TMEM178A: variants seen among roughly 807,000 people sequenced by gnomAD.
The protein encoded by TMEM178A is transmembrane protein 178.
TMEM178A carries 12 observed loss-of-function variants against 29.1 expected under a neutral mutation model. The ratio of observed to expected loss-of-function variants is 0.41; its 90% confidence interval spans 0.26 to 0.67. The LOEUF (loss-of-function observed/expected upper bound fraction) is 0.67. Among genes scored for constraint, TMEM178A ranks in the 30% least tolerant of loss-of-function variants. The pLI is 0.29. For synonymous variants in TMEM178A, 210 were observed against 187.2 expected (o/e 1.12, Z -0.99); for missense variants, 366 against 419.1 (o/e 0.87, Z 1.11).
chr2:39,708,111 A>G (rs1388840410), intron 3 of TMEM178A, among the ~76,000 whole-genome samples: 1 of 152,232 alleles, frequency 6.6e-6, no homozygotes, highest in Non-Finnish European at 1.5e-5. Context: ...TGAAGAAAAG[A>G]AACAGGGTGA....
Position 39,667,350 on chromosome 2 carries a change from T to C in TMEM178A, c.400+976T>C, listed in dbSNP as rs541402296. On this transcript the variant is annotated intron_variant, in intron 1 of 3. Transcript: ENST00000281961. ...AGATAGTTTGATTTTTTTTTTTTTT[T>C]TGGTAATCCCATTCACGTAAAAATA... 1.5e-3 allele frequency among the ~76,000 whole-genome samples: 211 copies of C among 137,066 alleles called. 1 individual carries two copies. Among genetic ancestry groups the C allele is most frequent in the Non-Finnish European group, 2.3e-3 (147 of 63,698 alleles). The allele number at this position is 137,066 out of a possible 152,430, so 89.9% of individuals were successfully genotyped here. A position where few individuals can be genotyped will look rare whatever the true frequency, so the allele number is the denominator to read the frequency against.
At chr2:39,684,597 A>G (rs1670996004) in intron 1 of TMEM178A, among the ~76,000 whole-genome samples, 1 of 152,138 alleles carries the variant, frequency 6.6e-6, no homozygotes, top group African/African-American at 2.4e-5. Flanking sequence ...TTCTTACCCA[A>G]CTGACAGAAC....
intron 3 of TMEM178A, among the ~76,000 whole-genome samples, chr2:39,708,629 G>C (rs1220501478): frequency 1.3e-5 from 2 of 151,474 alleles, no homozygotes; most frequent in South Asian, 4.2e-4. Context: ...GTGTTAGCCA[G>C]GATGGTCTCG....
At chr2:39,679,982 C>T (rs2148065056) in intron 1 of TMEM178A, among the ~76,000 whole-genome samples, 1 of 152,156 alleles carries the variant, frequency 6.6e-6, no homozygotes, top group East Asian at 1.9e-4. Context: ...GCTCTTCAAG[C>T]AGAGGTGGCT....
At chr2:39,693,649 G>A (rs13427938) in intron 1 of TMEM178A, among the ~76,000 whole-genome samples, 10,157 of 152,166 alleles carry the variant, frequency 0.067, 1,039 homozygotes, top group African/African-American at 0.22. Flanking sequence ...AGAAGAGGAG[G>A]GCAGGGAGGG....
chr2:39,698,588 C>G (rs1269997807), intron 1 of TMEM178A, among the ~76,000 whole-genome samples: 1 of 152,028 alleles, frequency 6.6e-6, no homozygotes, highest in South Asian at 2.1e-4. Context: ...TTTTGCATAT[C>G]TATACATAAG....
chr2:39,720,386 G>C (rs961855985), downstream of TMEM178A, among the ~76,000 whole-genome samples: 1 of 152,142 alleles, frequency 6.6e-6, no homozygotes, highest in African/African-American at 2.4e-5. Context: ...ATGGAGGCTG[G>C]TGCAGGTGGG....
intron 1 of TMEM178A, among the ~76,000 whole-genome samples, chr2:39,699,755 G>A (rs866380345): frequency 6.6e-5 from 10 of 152,052 alleles, no homozygotes; most frequent in African/African-American, 1.9e-4. Flanking sequence ...TGTGCCAGGC[G>A]AGATCTTTTT....
chr2:39,687,842 C>T (rs1356142676), intron 1 of TMEM178A, among the ~76,000 whole-genome samples: 1 of 152,246 alleles, frequency 6.6e-6, no homozygotes, highest in Non-Finnish European at 1.5e-5. Flanking sequence ...CAGATGTAGT[C>T]ATAGTGATTC....
chr2:39,733,629 A>G, the TMEM178A span, among the ~76,000 whole-genome samples: 1 of 152,186 alleles, frequency 6.6e-6, no homozygotes, highest in Non-Finnish European at 1.5e-5. Context: ...TTAGGAATAT[A>G]ATGTCTTAAC....
Position 39,717,209 on chromosome 2 carries a change from C to T in TMEM178A, c.852C>T (p.Thr284=). The T allele has an allele frequency of 6.2e-7, 1 of 1,613,556 alleles. No homozygotes were observed. The highest frequency in any genetic ancestry group is 8.5e-7 in the Non-Finnish European group (1 of 1,179,946). The part of the protein sequence containing the change: ...LCIAYPFISR[T]KIAQLKSGRD... ...TCGCTTATCCGTTTATTAGCCGGACCAAGATTGCACAGCTAAAGTCTGGCA... is the reference window on the plus strand; with the variant it reads ...TCGCTTATCCGTTTATTAGCCGGACTAAGATTGCACAGCTAAAGTCTGGCA... Residue 284 remains threonine, a synonymous_variant, in exon 4 of 4, where the codon ACC becomes ACT. Coordinates refer to ENST00000281961, the MANE Select transcript of TMEM178A (RefSeq NM_152390.3).
rs144487153 is a variant in TMEM178A at position 39,695,078 on chromosome 2, C to T, written c.401-9003C>T. On this transcript the variant is annotated intron_variant, in intron 1 of 3. Transcript: ENST00000281961. ...AGCATTTTTGTCTGTCTGCTTTAGC[C>T]CCTGCTTTGCTCTGAAATTAAATCT... Among the ~76,000 whole-genome samples the T allele has an allele frequency of 2.4e-3, 370 of 152,276 alleles. 5 individuals carry two copies. The highest frequency in any genetic ancestry group is 8.5e-3 in the African/African-American group (352 of 41,540).
intron 3 of TMEM178A, among the ~76,000 whole-genome samples, chr2:39,716,219 G>C (rs1672528401): frequency 6.6e-6 from 1 of 152,214 alleles, no homozygotes; most frequent in Non-Finnish European, 1.5e-5. Context: ...CGGTGGAATA[G>C]AAGCACCTAT....
At chr2:39,724,615 A>C in the TMEM178A span, among the ~76,000 whole-genome samples, 2 of 152,126 alleles carry the variant, frequency 1.3e-5, no homozygotes, top group African/African-American at 4.8e-5. Context: ...TTCATTTCGT[A>C]TTTTCCCTTT....
chr2:39,665,823 C>T (rs1272249076), upstream of TMEM178A: 3 of 672,544 alleles, frequency 4.5e-6, no homozygotes, highest in African/African-American at 2.6e-5. Context: ...GGGAGCGAGC[C>T]GGGCCGGGCT....
downstream of TMEM178A, among the ~76,000 whole-genome samples, chr2:39,719,262 C>G: frequency 6.6e-6 from 1 of 152,226 alleles, no homozygotes; most frequent in East Asian, 1.9e-4. Flanking sequence ...TGTCAAGACT[C>G]TTGGACATTT....
At chr2:39,726,494 A>G in the TMEM178A span, among the ~76,000 whole-genome samples, 2 of 152,206 alleles carry the variant, frequency 1.3e-5, no homozygotes, top group Admixed American at 1.3e-4. Context: ...ATAAAACCCA[A>G]GACTTCGGGT....
At chr2:39,682,323 G>C (rs1220884434) in intron 1 of TMEM178A, among the ~76,000 whole-genome samples, 1 of 151,898 alleles carries the variant, frequency 6.6e-6, no homozygotes, top group Non-Finnish European at 1.5e-5. Context: ...GGTTCCCTTA[G>C]GGAATGCAGA....
At chr2:39,670,028 T>C (rs917107579) in intron 1 of TMEM178A, among the ~76,000 whole-genome samples, 2 of 152,218 alleles carry the variant, frequency 1.3e-5, no homozygotes, top group South Asian at 2.1e-4. Flanking sequence ...GGCTAACTTT[T>C]GATGCTGAGG....
Sources: gnomAD v4.1 joint callset for allele counts (sites outside exome capture counted in the v4.1 genomes callset) on GRCh38, gnomAD v4.1.1 for gene constraint, MANE v1.5 for transcripts, NCBI Gene and HGNC (gene_info 2026-07-23, HGNC 2026-07-21) for gene names.